Variants in CCPG1 observed in about 807,000 individuals in gnomAD.
The protein encoded by CCPG1 is cell cycle progression 1, also known as cell cycle progression protein 1.
In CCPG1, 46 loss-of-function variants were observed where a neutral mutation model predicts 81.3. The ratio of observed to expected loss-of-function variants is 0.57; its 90% CI spans 0.45 to 0.72. The LOEUF is 0.72. CCPG1 is among the 30% of genes least tolerant of loss of function. The pLI, the probability that CCPG1 is intolerant of heterozygous loss-of-function variation, is 0.00. For missense variants in CCPG1, 902 were observed against 937.6 expected (o/e 0.96, Z 0.50); for synonymous variants, 330 against 305.2 (o/e 1.08, Z -0.85).
In CCPG1 at chr15:55,406,532, C is replaced by T. The variant is rs144034965; in HGVS notation, c.-10+1689G>A. Among the ~76,000 whole-genome samples the T allele has an allele frequency of 5.8e-3, 865 of 148,298 alleles. 9 individuals carry two copies. Among genetic ancestry groups the T allele is most frequent in the African/African-American group, 0.021 (828 of 40,202 alleles). On this transcript the variant is annotated intron_variant, in intron 1 of 8. Transcript: ENST00000442196. ...GGTGGCCAGATCTTGTGGCTCACTG[C>T]AACCTCCGCCTCCCGGGTTCAAGTA...
intron 7 of CCPG1, among the ~76,000 whole-genome samples, chr15:55,363,056 A>G (rs1432874768): frequency 6.6e-6 from 1 of 151,326 alleles, no homozygotes; most frequent in Admixed American, 6.6e-5. Flanking sequence ...AAACAAAAAC[A>G]AAAAAAACAG....
At chr15:55,393,449 T>A (rs947708172) in intron 1 of CCPG1, among the ~76,000 whole-genome samples, 1 of 145,674 alleles carries the variant, frequency 6.9e-6, no homozygotes, top group Non-Finnish European at 1.5e-5. Context: ...CAAAAAAATG[T>A]TTTTTTTCAA....
rs567375518 is a variant in CCPG1 at position 55,356,861 on chromosome 15, A to G, written c.2235-452T>C. 4 of 986,596 alleles carry G rather than the reference A, an allele frequency of 4.1e-6. No homozygotes were observed. The East Asian group carries it at 3.4e-4, about 84-fold the overall frequency. 61.1% of individuals were successfully genotyped at this position (986,596 alleles called of 1,614,324 possible). A position where few individuals can be genotyped will look rare whatever the true frequency, so the allele number is the denominator to read the frequency against. Reference sequence around the variant, plus strand: ...ACCGCTTTCCTTAATGTCTATGATCAGGCTTCCGTCACTACTTCACTGGAA... The same window carrying G: ...ACCGCTTTCCTTAATGTCTATGATCGGGCTTCCGTCACTACTTCACTGGAA... On this transcript the variant is annotated intron_variant, in intron 8 of 8. Coordinates refer to ENST00000442196, the MANE Select transcript of CCPG1 (RefSeq NM_001204450.2).
intron 3 of CCPG1, among the ~76,000 whole-genome samples, chr15:55,383,842 G>A (rs1343724215): frequency 6.6e-6 from 1 of 152,196 alleles, no homozygotes; most frequent in African/African-American, 2.4e-5. Context: ...TGGCTTAAGG[G>A]AATTTTGTGG....
chr15:55,397,482 G>A (rs2057043864), intron 1 of CCPG1, among the ~76,000 whole-genome samples: 1 of 152,204 alleles, frequency 6.6e-6, no homozygotes, highest in Admixed American at 6.5e-5. Flanking sequence ...AGACATGATG[G>A]TGGTTTGGAC....
intron 1 of CCPG1, among the ~76,000 whole-genome samples, chr15:55,390,813 T>G (rs1160217820): frequency 6.6e-6 from 1 of 152,214 alleles, no homozygotes; most frequent in Non-Finnish European, 1.5e-5. Context: ...ATGTTTCAAA[T>G]GAATTATTCA....
At chr15:55,397,201 G>A (rs1319962365) in intron 1 of CCPG1, among the ~76,000 whole-genome samples, 12 of 149,854 alleles carry the variant, frequency 8.0e-5, no homozygotes, top group Non-Finnish European at 1.8e-4. Context: ...GCGACAGAGC[G>A]AGACTCCGTC....
At chr15:55,361,055 T>C in intron 7 of CCPG1, 111 bp from the exon 8 acceptor site, 4 of 1,167,212 alleles carry the variant, frequency 3.4e-6, no homozygotes, top group Non-Finnish European at 4.6e-6. Flanking sequence ...CTTCTACAGA[T>C]ACAACCCCCC....
intron 2 of CCPG1, among the ~76,000 whole-genome samples, chr15:55,385,956 A>AT (rs1419945827): frequency 6.6e-6 from 1 of 152,206 alleles, no homozygotes; most frequent in African/African-American, 2.4e-5. Context: ...GGAATGCTCT[A>AT]TTTTATGAGC....
chr15:55,374,249 T>G (rs2056512618), intron 5 of CCPG1: 1 of 1,285,942 alleles, frequency 7.8e-7, no homozygotes, highest in African/African-American at 1.5e-5. Context: ...CCCACCACCT[T>G]TCTTTTGTGA....
rs748421982 is a variant in CCPG1, at chr15:55,378,353, G to A, written c.199C>T (p.Leu67Phe). The change falls in exon 4 of 9, where the codon CTT (leucine) becomes TTT (phenylalanine). Residue 67 changes from leucine to phenylalanine, a missense_variant. By Grantham distance (22) the Leu-to-Phe change is conservative (BLOSUM62 0). This residue lies in a region of CCPG1 where 746 missense variants were observed against 728.6 expected (regional missense o/e 1.02). Transcript: ENST00000442196. ...GCTGGATAAGCAGTTTCTTCCATAA[G>A]CACTGTGCCATTTTGGCTGCTTTCT... ...QGESSQNGTV[L>F]MEETAYPALE... is the part of the protein sequence containing the mutation. 5.5e-5 allele frequency: 89 copies of A among 1,610,112 alleles called. No homozygotes were observed. Among genetic ancestry groups the A allele is most frequent in the Non-Finnish European group, 6.5e-5 (76 of 1,177,950 alleles).
At chr15:55,365,408 G>GTTTTT in intron 6 of CCPG1, 99 bp from the exon 7 acceptor site, 1 of 620,326 alleles carries the variant, frequency 1.6e-6, no homozygotes, top group South Asian at 1.9e-5. Context: ...AAGCTATGTA[G>GTTTTT]TCTTTTTTTT....
chr15:55,358,680 G>T (rs1409113449), intron 8 of CCPG1: 8 of 985,284 alleles, frequency 8.1e-6, no homozygotes, highest in Non-Finnish European at 9.6e-6. Context: ...CAGACAGCCT[G>T]AGGCCACCAT....
At chr15:55,393,254 G>C (rs2056957185) in intron 1 of CCPG1, among the ~76,000 whole-genome samples, 1 of 152,164 alleles carries the variant, frequency 6.6e-6, no homozygotes, top group Admixed American at 6.6e-5. Context: ...GGGCAACATA[G>C]TGAGACTCCC....
chr15:55,365,360 A>G, intron 6 of CCPG1, 51 bp from the exon 7 acceptor site: 2 of 1,085,958 alleles, frequency 1.8e-6, no homozygotes, highest in Non-Finnish European at 2.7e-6. Context: ...TTATCATTAA[A>G]TGTTTTATGT....
chr15:55,376,325 C>T (rs983972136), intron 5 of CCPG1, among the ~76,000 whole-genome samples: 3 of 152,178 alleles, frequency 2.0e-5, no homozygotes, highest in African/African-American at 7.2e-5. Context: ...AGAAATCAAG[C>T]AACTCACACT....
intron 7 of CCPG1, among the ~76,000 whole-genome samples, chr15:55,362,657 T>G (rs1221413542): frequency 1.3e-5 from 2 of 152,086 alleles, no homozygotes; most frequent in Non-Finnish European, 1.5e-5. Context: ...TTGACATAAG[T>G]GATTGATAAG....
chr15:55,405,692 C>T (rs1163627443), intron 1 of CCPG1, among the ~76,000 whole-genome samples: 1 of 151,176 alleles, frequency 6.6e-6, no homozygotes, highest in Non-Finnish European at 1.5e-5. Context: ...CAGAGCAAGA[C>T]ATCATCTCCA....
At chr15:55,396,603 G>A (rs1183163955) in intron 1 of CCPG1, among the ~76,000 whole-genome samples, 1 of 152,098 alleles carries the variant, frequency 6.6e-6, no homozygotes, top group African/African-American at 2.4e-5. Flanking sequence ...CACACATTCA[G>A]GTCAAAAACC....
Sources: gnomAD v4.1 joint callset for allele counts (sites outside exome capture counted in the v4.1 genomes callset) on GRCh38, gnomAD v4.1.1 for gene constraint, gnomAD v4.1.1 regional missense constraint, MANE v1.5 for transcripts, NCBI Gene and HGNC (gene_info 2026-07-23, HGNC 2026-07-21) for gene names.